Variants in PCYT1B observed in about 807,000 individuals in gnomAD.
PCYT1B encodes the protein phosphate cytidylyltransferase 1B, choline.
Under a neutral mutation model 26.4 loss-of-function variants are expected in PCYT1B, and 10 were observed. The observed-to-expected ratio is 0.38, with a 90% CI of 0.23 to 0.64. PCYT1B has a LOEUF of 0.64. Ranked by LOEUF, PCYT1B falls within the 30% of genes least tolerant of loss-of-function variation. PCYT1B has a pLI of 0.56. For missense variants in PCYT1B, 161 were observed against 292.7 expected (o/e 0.55, Z 3.28); for synonymous variants, 131 against 108.4 (o/e 1.21, Z -1.29).
intron 2 of PCYT1B, 66 bp from the exon 3 acceptor site, chrX:24,607,927 G>T: frequency 1.7e-6 from 1 of 572,418 alleles, no homozygotes; most frequent in Non-Finnish European, 2.9e-6. Context: ...CCTTCTATCA[G>T]TCGTAAGAAA....
At chrX:24,570,691 T>C (rs756082345) in intron 7 of PCYT1B, among the ~76,000 whole-genome samples, 1 of 111,738 alleles carries the variant, frequency 8.9e-6, no homozygotes, top group African/African-American at 3.2e-5. Context: ...TTTGAGGTAA[T>C]TTGTTACCAC....
intron 1 of PCYT1B, among the ~76,000 whole-genome samples, chrX:24,638,783 G>T (rs1237196653): frequency 2.7e-5 from 3 of 111,644 alleles, no homozygotes; most frequent in Non-Finnish European, 5.6e-5. Context: ...ATTAAGAAAG[G>T]CCTCTATAGT....
At chrX:24,619,163 G>T in intron 1 of PCYT1B, 79 bp from the exon 2 acceptor site, 1 of 677,604 alleles carries the variant, frequency 1.5e-6, no homozygotes, top group Non-Finnish European at 2.4e-6. Flanking sequence ...TTTTATTCCT[G>T]TTGGCTACAC....
chrX:24,598,482 TATAC>T (rs1381173062), intron 3 of PCYT1B, among the ~76,000 whole-genome samples: 212 of 106,565 alleles, frequency 2.0e-3, no homozygotes, highest in Non-Finnish European at 2.6e-3. Flanking sequence ...TTGATATATA[TATAC>T]ACACACACAC....
intron 6 of PCYT1B, among the ~76,000 whole-genome samples, chrX:24,577,093 C>T (rs1177911957): frequency 9.0e-6 from 1 of 111,310 alleles, no homozygotes; most frequent in Non-Finnish European, 1.9e-5. Flanking sequence ...GCTGCCTCTA[C>T]CTCTCCCTGA....
chrX:24,559,085 G>A lies in PCYT1B; in HGVS notation c.*3208C>T, dbSNP rs905716898. ...TAATCCCAGCACTTTGGGAGGCCGA[G>A]GCGGGAGAATCACCTGAGGTCAGGA... On this transcript the variant is annotated 3_prime_UTR_variant, in exon 8 of 8. Coordinates refer to ENST00000379144, the MANE Select transcript of PCYT1B (RefSeq NM_004845.5). 10 of 111,488 alleles carry A rather than the reference G, an allele frequency of 9.0e-5. No homozygotes were observed. The highest frequency in any genetic ancestry group is 2.6e-4 in the African/African-American group (8 of 30,641). 9.2% of individuals were successfully genotyped at this position (111,488 alleles called of 1,213,427 possible).
intron 3 of PCYT1B, among the ~76,000 whole-genome samples, chrX:24,591,387 A>G (rs1414481052): frequency 9.2e-6 from 1 of 109,223 alleles, no homozygotes; most frequent in Non-Finnish European, 1.9e-5. Context: ...TTGCAATGAA[A>G]TTTTTTTTTC....
At position 24,562,289 on chromosome X, in the gene PCYT1B, G is replaced by T. The variant is rs750483265; in HGVS notation, c.*4C>A. On this transcript the variant is annotated 3_prime_UTR_variant, in exon 8 of 8. Transcript: ENST00000379144. ...ATGGTGCGGCTCTTGCCTCCCAGCAGCCTCTACTTTTCATCCTCATCCCCC... is the reference window on the plus strand; with the variant it reads ...ATGGTGCGGCTCTTGCCTCCCAGCATCCTCTACTTTTCATCCTCATCCCCC... 1 of 1,154,527 alleles carries T rather than the reference G, an allele frequency of 8.7e-7. No homozygotes were observed. The highest frequency in any genetic ancestry group is 3.1e-5 in the East Asian group (1 of 32,626).
Position 24,579,352 on chromosome X carries a change from C to T in PCYT1B, c.672G>A (p.Gly224=). 1 of 1,210,420 alleles carries T rather than the reference C, an allele frequency of 8.3e-7. No homozygotes were observed. Among genetic ancestry groups the T allele is most frequent in the Non-Finnish European group, 1.1e-6 (1 of 894,622 alleles). ...DVYARRNLQR[G]YTAKELNVSF... Reference sequence around the variant, plus strand: ...TGACATTCAGTTCCTTGGCTGTATACCCTCTCTGGAGGTTACGTCGGGCAT... The same window carrying T: ...TGACATTCAGTTCCTTGGCTGTATATCCTCTCTGGAGGTTACGTCGGGCAT... The change falls in exon 6 of 8, where the codon GGG becomes GGA. Residue 224 remains glycine (G), a synonymous_variant. Transcript: ENST00000379144.
At position 24,667,872 on chromosome X, in the gene PCYT1B, A is replaced by G. The variant is rs973393725; in HGVS notation, c.63+4698T>C. Among the ~76,000 whole-genome samples the G allele has an allele frequency of 4.5e-5, 5 of 112,097 alleles. No individual in the cohort carries two copies. In the Admixed American group the frequency reaches 4.8e-4, roughly 11 times the overall value. ...TTTAATGTACATTTACATTGTTTCT[A>G]TTAATTTTTCTTTCCTCACTATGGC... On this transcript the variant is annotated intron_variant, in intron 1 of 7. Coordinates refer to the PCYT1B transcript ENST00000379145.
upstream of PCYT1B, among the ~76,000 whole-genome samples, chrX:24,650,317 CTTTTTTTTTTTTT>C (rs575150338): frequency 5.3e-5 from 4 of 75,692 alleles, 1 homozygote; most frequent in East Asian, 1.8e-3. Flanking sequence ...TATTATGTAG[CTTTTTTTTTTTTT>C]TTTTTTTTCA....
Position 24,575,334 on chromosome X carries a change from AGG to A in PCYT1B, c.709-18_709-17del, listed in dbSNP as rs1351301341. 1 of 1,076,016 alleles carries A rather than the reference AGG, an allele frequency of 9.3e-7. No individual in the cohort carries two copies. The highest frequency in any genetic ancestry group is 1.2e-6 in the Non-Finnish European group (1 of 811,620). 88.7% of individuals were successfully genotyped at this position (1,076,016 alleles called of 1,213,427 possible). On this transcript the variant is annotated splice_polypyrimidine_tract_variant and intron_variant, in intron 6 of 7. Transcript: ENST00000379144. Reference sequence around the variant, plus strand: ...ACCTCTTCTCCTGGTGAAAGTTTACAGGAAAAAAAAAAACAGATTTATCCAAG... The same window carrying A: ...ACCTCTTCTCCTGGTGAAAGTTTACAAAAAAAAAAAACAGATTTATCCAAG...
chrX:24,652,559 C>CAAAA (rs371573232), intron 1 of PCYT1B, among the ~76,000 whole-genome samples: 5 of 90,047 alleles, frequency 5.6e-5, no homozygotes, highest in Admixed American at 1.2e-4. Flanking sequence ...AACTCCGTCT[C>CAAAA]AAAAAAAAAA....
chrX:24,562,446 G>A lies in PCYT1B; in HGVS notation c.957C>T (p.Ser319=). 8.3e-7 allele frequency: 1 copy of A among 1,205,032 alleles called. No homozygotes were observed. Among genetic ancestry groups the A allele is most frequent in the South Asian group, 1.8e-5 (1 of 55,424 alleles). ...GGCTCCGGGTTGGGCTGCTCACAGGGCTCTGCTTCGGGGATAAGGCCTGCA... is the reference window on the plus strand; with the variant it reads ...GGCTCCGGGTTGGGCTGCTCACAGGACTCTGCTTCGGGGATAAGGCCTGCA... ...RMLQALSPKQ[S]PVSSPTRSRS... The change falls in exon 8 of 8, where the codon AGC becomes AGT. Residue 319 remains serine (S), a synonymous_variant. Coordinates refer to ENST00000379144, the MANE Select transcript of PCYT1B (RefSeq NM_004845.5).
At chrX:24,577,240 C>A (rs1924049157) in intron 6 of PCYT1B, among the ~76,000 whole-genome samples, 1 of 111,523 alleles carries the variant, frequency 9.0e-6, no homozygotes, top group Non-Finnish European at 1.9e-5. Flanking sequence ...CACGCCCATG[C>A]AACACATTAG....
intron 7 of PCYT1B, among the ~76,000 whole-genome samples, chrX:24,574,104 G>A (rs1313344835): frequency 1.8e-5 from 2 of 111,470 alleles, no homozygotes; most frequent in South Asian, 3.7e-4. Flanking sequence ...GTGACAACCC[G>A]TCAATAAAAT....
At chrX:24,612,477 C>T (rs1195545578) in intron 2 of PCYT1B, among the ~76,000 whole-genome samples, 1 of 111,732 alleles carries the variant, frequency 8.9e-6, no homozygotes, top group African/African-American at 3.3e-5. Context: ...GCAAAAATAT[C>T]GAACAGACAT....
At chrX:24,639,091 G>A (rs765865848) in intron 1 of PCYT1B, among the ~76,000 whole-genome samples, 32 of 112,454 alleles carry the variant, frequency 2.8e-4, no homozygotes, top group Non-Finnish European at 5.4e-4. Flanking sequence ...ATAAGATCAT[G>A]CAACCTGTTT....
intron 3 of PCYT1B, among the ~76,000 whole-genome samples, chrX:24,593,255 T>C (rs1482507162): frequency 1.8e-5 from 2 of 111,472 alleles, no homozygotes; most frequent in African/African-American, 6.5e-5. Flanking sequence ...GCCTGATACA[T>C]ATAGATACTC....
Sources: gnomAD v4.1 joint callset for allele counts (sites outside exome capture counted in the v4.1 genomes callset) on GRCh38, gnomAD v4.1.1 for gene constraint, MANE v1.5 for transcripts, NCBI Gene and HGNC (gene_info 2026-07-23, HGNC 2026-07-21) for gene names.